SPATS2: variants seen among roughly 807,000 people sequenced by gnomAD.
SPATS2 encodes spermatogenesis-associated serine-rich protein 2.
Under a neutral mutation model 63.7 loss-of-function variants are expected in SPATS2, and 38 were observed. The ratio of observed to expected loss-of-function variants is 0.60; its 90% CI spans 0.46 to 0.78. The LOEUF is 0.78. Among genes scored for constraint, SPATS2 ranks in the 30% least tolerant of loss-of-function variants. SPATS2 has a pLI of 0.00. For synonymous variants in SPATS2, 207 were observed against 232.9 expected (o/e 0.89, Z 1.01); for missense variants, 588 against 666.2 (o/e 0.88, Z 1.29).
chr12:49,390,315 A>G (rs1011757351), intron 2 of SPATS2, among the ~76,000 whole-genome samples: 2 of 152,264 alleles, frequency 1.3e-5, no homozygotes, highest in African/African-American at 4.8e-5. Flanking sequence ...CGCATAGTTA[A>G]TGGTCATAGA....
At chr12:49,477,187 G>C (rs1946133147) in intron 3 of SPATS2, among the ~76,000 whole-genome samples, 1 of 152,062 alleles carries the variant, frequency 6.6e-6, no homozygotes, top group South Asian at 2.1e-4. Context: ...ATCTATGAGG[G>C]AAAGTAAGGT....
Position 49,524,877 on chromosome 12 carries a change from C to A in SPATS2, c.1307C>A (p.Pro436His). The change falls in exon 13 of 14, where the codon CCC (proline) becomes CAC (histidine). Residue 436 changes from proline to histidine, a missense_variant. Pro to His is a moderately conservative substitution (Grantham distance 77). Coordinates refer to ENST00000552918, the MANE Select transcript of SPATS2 (RefSeq NM_023071.4). ...PAAIANSSGQPYQPLREVLPG... is the reference protein window; with the variant it reads ...PAAIANSSGQHYQPLREVLPG... ...GCCATAGCAAACTCCAGTGGCCAGC[C>A]CTACCAGCCACTTCGGGAGGTAACC... 1.2e-6 allele frequency: 2 copies of A among 1,612,422 alleles called. No individual in the cohort carries two copies. Among genetic ancestry groups the A allele is most frequent in the Non-Finnish European group, 8.5e-7 (1 of 1,179,758 alleles).
chr12:49,389,874 C>A, intron 2 of SPATS2: 1 of 834,210 alleles, frequency 1.2e-6, no homozygotes, highest in Non-Finnish European at 2.1e-6. Flanking sequence ...AAAAGATGAT[C>A]CGGGAAAAAT....
At chr12:49,464,684 A>G (rs938929895) in intron 3 of SPATS2, among the ~76,000 whole-genome samples, 1 of 151,430 alleles carries the variant, frequency 6.6e-6, no homozygotes, top group Non-Finnish European at 1.5e-5. Flanking sequence ...AAATTAGCCA[A>G]TTATACTGAC....
In SPATS2 at chr12:49,461,055, C is replaced by T. The variant is rs770940358; in HGVS notation, c.25+18C>T. The T allele has an allele frequency of 1.9e-6, 3 of 1,612,870 alleles. No homozygotes were observed. Among genetic ancestry groups the T allele is most frequent in the Non-Finnish European group, 1.7e-6 (2 of 1,179,354 alleles). On this transcript the variant is annotated intron_variant, in intron 3 of 13. Transcript: ENST00000552918. The stretch of plus-strand genomic sequence containing the variant: ...CCAGAAGGGTAAGATTACATGTGGG[C>T]ATAAATTGTTAAAAGCATAGTTATA...
At chr12:49,490,813 A>C in intron 6 of SPATS2, 82 bp downstream of exon 6, 1 of 1,308,860 alleles carries the variant, frequency 7.6e-7, no homozygotes, top group African/African-American at 1.5e-5. Flanking sequence ...TTTGAAAGAA[A>C]AGGTTCACAT....
At chr12:49,438,027 T>C (rs1400913951) in intron 2 of SPATS2, among the ~76,000 whole-genome samples, 1 of 152,230 alleles carries the variant, frequency 6.6e-6, no homozygotes, top group Non-Finnish European at 1.5e-5. Context: ...AGTGAATTTT[T>C]ACATATGTTG....
intron 2 of SPATS2, among the ~76,000 whole-genome samples, chr12:49,430,381 C>T (rs1011385239): frequency 5.9e-5 from 9 of 152,004 alleles, no homozygotes; most frequent in East Asian, 3.9e-4. Flanking sequence ...GGATTACAGG[C>T]GTGACCCACC....
chr12:49,459,668 C>T lies in SPATS2; in HGVS notation c.-243-1102C>T, dbSNP rs538978550. Among the ~76,000 whole-genome samples, 114 of 147,904 alleles carry T rather than the reference C, an allele frequency of 7.7e-4. 2 individuals are homozygous for T. The South Asian group carries it at 0.015, about 19-fold the overall frequency. ...TGGCTAGACCGTTATTAAAAAGTCT[C>T]ACGTTTGCTGTTCTTCGTGCCTCTA... is the stretch of plus-strand genomic sequence containing the variant. On this transcript the variant is annotated intron_variant, in intron 2 of 13. Transcript: ENST00000552918.
chr12:49,524,159 A>G (rs1013475159), intron 12 of SPATS2, among the ~76,000 whole-genome samples: 5 of 152,192 alleles, frequency 3.3e-5, no homozygotes, highest in Non-Finnish European at 7.3e-5. Context: ...GGCAATATAC[A>G]TGTTTGTTAT....
chr12:49,367,353 T>G (rs1943915766), upstream of SPATS2: 1 of 389,656 alleles, frequency 2.6e-6, no homozygotes, highest in East Asian at 3.6e-5. Context: ...CGGGGTGATC[T>G]GCTGGATCTC....
chr12:49,464,016 C>G (rs1365643121), intron 3 of SPATS2, among the ~76,000 whole-genome samples: 1 of 152,122 alleles, frequency 6.6e-6, no homozygotes, highest in African/African-American at 2.4e-5. Flanking sequence ...TGTCTGTGAA[C>G]TGGAGAAGTA....
chr12:49,470,666 T>C (rs1343590409), intron 3 of SPATS2, among the ~76,000 whole-genome samples: 2 of 152,214 alleles, frequency 1.3e-5, no homozygotes, highest in Non-Finnish European at 2.9e-5. Context: ...TTCTGCCTAG[T>C]GATAATCATG....
intron 2 of SPATS2, among the ~76,000 whole-genome samples, chr12:49,424,666 A>G (rs1945041120): frequency 6.6e-6 from 1 of 152,072 alleles, no homozygotes; most frequent in African/African-American, 2.4e-5. Flanking sequence ...CATACGTACC[A>G]TAGTATTTTT....
At chr12:49,469,191 A>G (rs1366549977) in intron 3 of SPATS2, among the ~76,000 whole-genome samples, 1 of 151,938 alleles carries the variant, frequency 6.6e-6, no homozygotes, top group Non-Finnish European at 1.5e-5. Flanking sequence ...TGAGGTCAGG[A>G]CTTCGAGACC....
At chr12:49,373,731 C>T (rs1944042619) in intron 2 of SPATS2, among the ~76,000 whole-genome samples, 1 of 152,118 alleles carries the variant, frequency 6.6e-6, no homozygotes, top group Admixed American at 6.5e-5. Flanking sequence ...TCTAGACCTG[C>T]CTGGTCAATA....
At chr12:49,445,636 G>C (rs940132821) in intron 2 of SPATS2, among the ~76,000 whole-genome samples, 5 of 151,988 alleles carry the variant, frequency 3.3e-5, no homozygotes, top group African/African-American at 1.2e-4. Context: ...TACTCCCTCA[G>C]CCTCCCAAGT....
chr12:49,524,204 ATTAT>A (rs1194275611), intron 12 of SPATS2, among the ~76,000 whole-genome samples: 8 of 152,304 alleles, frequency 5.3e-5, no homozygotes, highest in African/African-American at 1.2e-4. Flanking sequence ...ACTGATCTTG[ATTAT>A]TTATACCTTG....
chr12:49,394,195 G>C (rs141803348), intron 2 of SPATS2, among the ~76,000 whole-genome samples: 1 of 151,914 alleles, frequency 6.6e-6, no homozygotes, highest in Admixed American at 6.6e-5. Flanking sequence ...AAAATTAGCC[G>C]GGCTTCATGG....
Sources: gnomAD v4.1 joint callset for allele counts (sites outside exome capture counted in the v4.1 genomes callset) on GRCh38, gnomAD v4.1.1 for gene constraint, MANE v1.5 for transcripts, NCBI Gene and HGNC (gene_info 2026-07-23, HGNC 2026-07-21) for gene names.